DST: variants seen among roughly 807,000 people sequenced by gnomAD.
The protein encoded by DST is bullous pemphigoid antigen.
A neutral mutation model predicts 875.2 loss-of-function variants in DST; 253 were observed. That is an observed-to-expected ratio of 0.29 (90% confidence interval 0.26 to 0.32). DST has a LOEUF of 0.32. Ranked by LOEUF, DST falls within the 10% of genes least tolerant of loss-of-function variation. The pLI is 1.00. For missense variants in DST, 8,287 were observed against 9,111.6 expected, an observed-to-expected ratio of 0.91 and a Z score of 3.68; for synonymous variants, 3,124 against 3,197.1, an observed-to-expected ratio of 0.98 and a Z score of 0.77.
intron 5 of DST, among the ~76,000 whole-genome samples, chr6:56,722,942 A>T (rs1176025093): frequency 6.6e-6 from 1 of 152,254 alleles, no homozygotes; most frequent in African/African-American, 2.4e-5. Flanking sequence ...TCAACTCAGT[A>T]GCCTTAAAAA....
chr6:56,861,895 A>C (rs1771349728), intron 3 of DST: 1 of 152,226 alleles, frequency 6.6e-6, no homozygotes, highest in Non-Finnish European at 1.5e-5. Flanking sequence ...CCTCATGGAG[A>C]CCGGGGAGTC....
chr6:56,700,906 A>G (rs987977448), intron 8 of DST, among the ~76,000 whole-genome samples: 35 of 151,994 alleles, frequency 2.3e-4, no homozygotes, highest in African/African-American at 8.4e-4. Context: ...TTTAATGTTC[A>G]TAATATTTAA....
chr6:56,836,372 T>A (rs1166049103), intron 4 of DST, among the ~76,000 whole-genome samples: 2 of 152,178 alleles, frequency 1.3e-5, no homozygotes, highest in East Asian at 3.8e-4. Context: ...ATACCCAGCA[T>A]CATGCCAGGC....
Position 56,598,013 on chromosome 6 carries a change from A to C in DST, c.11929-7T>G. The stretch of plus-strand genomic sequence containing the variant: ...GCTGCTTCACTGCTGCTACCTGGGA[A>C]GGGAAAGTTCACAGGAGGAATTCAG... On this transcript the variant is annotated splice_polypyrimidine_tract_variant and splice_region_variant and intron_variant, in intron 46 of 103. Coordinates refer to ENST00000680361, the MANE Select transcript of DST (RefSeq NM_001374736.1). 6.3e-7 allele frequency: 1 copy of C among 1,578,534 alleles called. No individual in the cohort carries two copies. Among genetic ancestry groups the C allele is most frequent in the Non-Finnish European group, 8.6e-7 (1 of 1,161,074 alleles).
Position 56,858,739 on chromosome 6 carries a change from C to T in DST, c.418-7135G>A, listed in dbSNP as rs974482235. Among the ~76,000 whole-genome samples, 5 of 152,180 alleles carry T rather than the reference C, an allele frequency of 3.3e-5. No individual in the cohort carries two copies. The East Asian group carries it at 5.8e-4, about 18-fold the overall frequency. On this transcript the variant is annotated intron_variant, in intron 3 of 103. Coordinates refer to ENST00000680361, the MANE Select transcript of DST (RefSeq NM_001374736.1). The stretch of plus-strand genomic sequence containing the variant: ...AGACAATCAAGGCTCAGCACTAAGA[C>T]ATTCTGCAAAACTTCTTCCTTTCTT...
rs60018139 is a variant in DST, at chr6:56,934,560, T to TTATATATATA, written c.216+19215_216+19224dup. On this transcript the variant is annotated intron_variant, in intron 2 of 103. Coordinates refer to ENST00000680361, the MANE Select transcript of DST (RefSeq NM_001374736.1). ...TAAAATATACATATTATATATTATA[T>TTATATATATA]TATATATATATATATATATATATAT... is the stretch of plus-strand genomic sequence containing the variant. 2.5e-3 allele frequency among the ~76,000 whole-genome samples: 262 copies of TTATATATATA among 106,472 alleles called. 2 individuals carry two copies. The highest frequency in any genetic ancestry group is 5.1e-3 in the African/African-American group (146 of 28,384). 69.8% of individuals were successfully genotyped at this position (106,472 alleles called of 152,430 possible).
chr6:56,603,633 G>C lies in DST; in HGVS notation c.10872C>G (p.Pro3624=), dbSNP rs1443869403. The C allele has an allele frequency of 6.2e-7, 1 of 1,611,196 alleles. No homozygotes were observed. Among genetic ancestry groups the C allele is most frequent in the South Asian group, 1.1e-5 (1 of 90,974 alleles). ...CCAGAGATTCCTGGTTGTCTAAGGGGGGTTTCATATCTTGAAGCAATGTCA... is the reference window on the plus strand; with the variant it reads ...CCAGAGATTCCTGGTTGTCTAAGGGCGGTTTCATATCTTGAAGCAATGTCA... ...EYLTLLQDMK[P]PLDNQESLDN... The change falls in exon 41 of 104, where the codon CCC becomes CCG. Residue 3624 remains proline, a synonymous_variant. Transcript: ENST00000680361.
intron 45 of DST, 79 bp from the exon 46 acceptor site, chr6:56,598,788 C>CA: frequency 1.2e-6 from 1 of 817,198 alleles, no homozygotes; most frequent in South Asian, 2.3e-5. Flanking sequence ...TTCTAAAAGA[C>CA]AGAGTGAGTA....
intron 29 of DST, 134 bp from the exon 30 acceptor site, chr6:56,631,523 C>A: frequency 1.3e-6 from 1 of 751,676 alleles, no homozygotes; most frequent in South Asian, 1.7e-5. Context: ...TGTTTGTTAT[C>A]AAAGAAACTA....
Position 56,703,597 on chromosome 6 carries a change from C to T in DST, c.876+51G>A, listed in dbSNP as rs1462478164. On this transcript the variant is annotated intron_variant, in intron 7 of 103. Coordinates refer to ENST00000680361, the MANE Select transcript of DST (RefSeq NM_001374736.1). Reference sequence around the variant, plus strand: ...GAGTTACTTCTCTATCAGGTTAGCGCTCACCGCATGGGAACGGCTAGGTTA... The same window carrying T: ...GAGTTACTTCTCTATCAGGTTAGCGTTCACCGCATGGGAACGGCTAGGTTA... 8 of 742,162 alleles carry T rather than the reference C, an allele frequency of 1.1e-5. No individual in the cohort carries two copies. The Admixed American group carries it at 5.0e-4, about 47-fold the overall frequency. 46.0% of individuals were successfully genotyped at this position (742,162 alleles called of 1,614,324 possible).
intron 49 of DST, among the ~76,000 whole-genome samples, chr6:56,589,324 T>A (rs1248572137): frequency 6.6e-6 from 1 of 152,198 alleles, no homozygotes; most frequent in African/African-American, 2.4e-5. Flanking sequence ...GGAGAGTTAA[T>A]CATTTTTAAT....
rs187315105 is a variant in DST, at chr6:56,604,013, A to G, written c.10615T>C (p.Tyr3539His). Reference sequence around the variant, plus strand: ...ACAGTTTCTAAATTAGGAGAATAGTAGTTTCCTTCTTTGCTTTTAATATCA... The same window carrying G: ...ACAGTTTCTAAATTAGGAGAATAGTGGTTTCCTTCTTTGCTTTTAATATCA... ...LGDIKSKEGN[Y>H]YSPNLETVKE... The change falls in exon 40 of 104, where the codon TAC becomes CAC. Residue 3539 changes from tyrosine to histidine, a missense_variant. By Grantham distance (83) the Tyr-to-His change is moderately conservative (BLOSUM62 2). Around this residue, in one of 10 missense-constraint regions of DST, gnomAD observed 3,138 missense variants for 3,116.6 expected, o/e 1.01. Coordinates refer to ENST00000680361, the MANE Select transcript of DST (RefSeq NM_001374736.1). 212 of 1,600,530 alleles carry G rather than the reference A, an allele frequency of 1.3e-4. No homozygotes were observed. Among genetic ancestry groups the G allele is most frequent in the Non-Finnish European group, 1.7e-4 (197 of 1,172,302 alleles).
chr6:56,882,206 T>G (rs932479779), intron 3 of DST, among the ~76,000 whole-genome samples: 1 of 152,216 alleles, frequency 6.6e-6, no homozygotes, highest in African/African-American at 2.4e-5. Flanking sequence ...TCAACATGAA[T>G]GCTGGCCACT....
At chr6:56,570,641 T>A (rs192342402) in intron 53 of DST, among the ~76,000 whole-genome samples, 3 of 152,268 alleles carry the variant, frequency 2.0e-5, no homozygotes, top group Middle Eastern at 3.4e-3. Flanking sequence ...CAGTTCATAA[T>A]AGGCCATAGA....
intron 10 of DST, 125 bp from the exon 11 acceptor site, chr6:56,651,369 CAG>C (rs1488342765): frequency 1.4e-5 from 8 of 555,378 alleles, no homozygotes; most frequent in Admixed American, 1.0e-4. Flanking sequence ...CGTTAAAATG[CAG>C]AGACTTTCAT....
chr6:56,862,192 A>G (rs755417908), intron 3 of DST, among the ~76,000 whole-genome samples: 12 of 152,162 alleles, frequency 7.9e-5, no homozygotes, highest in Non-Finnish European at 1.5e-4. Flanking sequence ...TCTCTCTCGC[A>G]CACACACATA....
intron 4 of DST, among the ~76,000 whole-genome samples, chr6:56,799,927 T>TA (rs1326750167): frequency 6.6e-6 from 1 of 152,042 alleles, no homozygotes; most frequent in African/African-American, 2.4e-5. Context: ...GTCCAGCCAA[T>TA]ACAATCTTTT....
intron 73 of DST, among the ~76,000 whole-genome samples, chr6:56,510,321 T>C (rs2096447628): frequency 6.6e-6 from 1 of 152,186 alleles, no homozygotes; most frequent in Non-Finnish European, 1.5e-5. Flanking sequence ...CCTGAAAAGT[T>C]ATATTATTTA....
At chr6:56,486,363 A>C (rs1180170301) in intron 87 of DST, among the ~76,000 whole-genome samples, 1 of 82,470 alleles carries the variant, frequency 1.2e-5, no homozygotes, top group Non-Finnish European at 2.6e-5. Flanking sequence ...ACTCCGTCTC[A>C]AAAAAAAAAA....
Sources: allele counts gnomAD v4.1 joint callset (sites outside exome capture counted in the v4.1 genomes callset), GRCh38; gene constraint gnomAD v4.1.1; regional missense constraint gnomAD v4.1.1; transcripts MANE v1.5; gene names NCBI Gene and HGNC (gene_info 2026-07-23, HGNC 2026-07-21).